PACS1: variants seen among roughly 807,000 people sequenced by gnomAD.
PACS1 encodes phosphofurin acidic cluster sorting protein 1, also known as PACS-1.
A neutral mutation model predicts 115.0 loss-of-function variants in PACS1; 24 were observed. The ratio of observed to expected loss-of-function variants is 0.21; its 90% CI spans 0.15 to 0.29. The LOEUF (loss-of-function observed/expected upper bound fraction) is 0.29. Ranked by LOEUF, PACS1 falls within the 10% of genes least tolerant of loss-of-function variation. PACS1 has a pLI of 1.00. For synonymous variants in PACS1, 453 were observed against 504.5 expected (o/e 0.90, Z 1.37); for missense variants, 838 against 1,251.2 (o/e 0.67, Z 4.98).
intron 2 of PACS1, among the ~76,000 whole-genome samples, chr11:66,202,741 AAATATATATAT>A (rs1425593566): frequency 5.3e-5 from 5 of 93,882 alleles, no homozygotes; most frequent in African/African-American, 2.4e-4. Context: ...AAAAAAAAAA[AAATATATATAT>A]ATATATATAT....
At chr11:66,219,916 TA>T (rs770918495) in intron 8 of PACS1, 111 bp downstream of exon 8, 11 of 854,098 alleles carry the variant, frequency 1.3e-5, no homozygotes, top group Non-Finnish European at 2.2e-5. Context: ...CTAGGATTAA[TA>T]TTCCTGCTCC....
intron 1 of PACS1, chr11:66,083,912 C>T (rs558638633): frequency 1.3e-5 from 2 of 152,214 alleles, no homozygotes; most frequent in African/African-American, 2.4e-5. Flanking sequence ...TGTAACTCTT[C>T]CTGCACATAC....
At chr11:66,087,791 T>TA (rs1857598278) in intron 1 of PACS1, among the ~76,000 whole-genome samples, 1 of 152,220 alleles carries the variant, frequency 6.6e-6, no homozygotes. Flanking sequence ...TTCTCTGCAG[T>TA]ATATACCTGG....
intron 1 of PACS1, among the ~76,000 whole-genome samples, chr11:66,113,705 A>C (rs1328189252): frequency 1.3e-5 from 2 of 152,236 alleles, no homozygotes. Flanking sequence ...ACAGCAGCTG[A>C]ACTGAAAGCT....
At chr11:66,100,166 C>G (rs565962202) in intron 1 of PACS1, among the ~76,000 whole-genome samples, 1 of 152,202 alleles carries the variant, frequency 6.6e-6, no homozygotes, top group Non-Finnish European at 1.5e-5. Context: ...AGGCGTGGGC[C>G]ACCACGCCTG....
intron 1 of PACS1, among the ~76,000 whole-genome samples, chr11:66,125,345 A>G (rs568495635): frequency 7.2e-5 from 11 of 152,336 alleles, no homozygotes; most frequent in African/African-American, 2.6e-4. Flanking sequence ...TCTTATTGCA[A>G]TTAAATTTCT....
In PACS1 at chr11:66,070,881, G is replaced by A; in HGVS notation, c.356+39G>A. The A allele has an allele frequency of 1.4e-6, 2 of 1,403,934 alleles. No individual in the cohort carries two copies. The allele number at this position is 1,403,934 out of a possible 1,614,324, so 87.0% of individuals were successfully genotyped here. On this transcript the variant is annotated intron_variant, in intron 1 of 23. Transcript: ENST00000320580. The surrounding 1 kb of genome is among the most constrained non-coding windows in gnomAD (Gnocchi z 5.9). ...GGTGCGGCGGGGCGCCGGGGGAGCG[G>A]GGTGGCCGCCGGGGCCCAGCCCTCC... is the stretch of plus-strand genomic sequence containing the variant.
At chr11:66,101,125 A>G (rs1857907985) in intron 1 of PACS1, among the ~76,000 whole-genome samples, 1 of 152,192 alleles carries the variant, frequency 6.6e-6, no homozygotes, top group Admixed American at 6.5e-5. Context: ...AAAATATACT[A>G]TTTTCTGGAA....
rs138719181 is a variant in PACS1 at position 66,190,136 on chromosome 11, GCTT to G, written c.357-3347_357-3345del. 1.7e-3 allele frequency among the ~76,000 whole-genome samples: 253 copies of G among 152,248 alleles called. 4 individuals carry two copies. The East Asian group carries it at 0.043, about 26-fold the overall frequency. ...TTTCTCTTTTTTATAAAACATCTAAGCTTCTCTTTGTTCTTTGGACATACTGAA... is the reference window on the plus strand; with the variant it reads ...TTTCTCTTTTTTATAAAACATCTAAGCTCTTTGTTCTTTGGACATACTGAA... On this transcript the variant is annotated intron_variant, in intron 1 of 23. Coordinates refer to ENST00000320580, the MANE Select transcript of PACS1 (RefSeq NM_018026.4).
intron 1 of PACS1, among the ~76,000 whole-genome samples, chr11:66,167,745 T>C (rs7126865): frequency 0.012 from 1,815 of 150,180 alleles, 30 homozygotes; most frequent in Non-Finnish European, 0.019. Context: ...TTGCATTTCA[T>C]AGTTTATTTT....
At position 66,221,213 on chromosome 11, in the gene PACS1, G is replaced by T; in HGVS notation, c.1259G>T (p.Ser420Ile). The T allele has an allele frequency of 1.2e-6, 2 of 1,614,218 alleles. No individual in the cohort carries two copies. Among genetic ancestry groups the T allele is most frequent in the South Asian group, 1.1e-5 (1 of 91,086 alleles). The change falls in exon 10 of 24, where the codon AGC becomes ATC. Residue 420 changes from serine to isoleucine, a missense_variant. Ser to Ile is a moderately radical substitution (Grantham distance 142). Coordinates refer to ENST00000320580, the MANE Select transcript of PACS1 (RefSeq NM_018026.4). ...SSQTEIGSLN[S>I]KGSLGKDTTS... ...CAGACGGAGATTGGCAGCCTCAACA[G>T]CAAAGGCAGCCTCGGAAAAGACACC...
intron 1 of PACS1, among the ~76,000 whole-genome samples, chr11:66,076,153 C>A (rs1210909217): frequency 6.6e-6 from 1 of 152,206 alleles, no homozygotes; most frequent in Admixed American, 6.5e-5. Context: ...CCTGTGGAAG[C>A]TCAGATTACA....
chr11:66,227,050 C>CA (rs1855482218), intron 10 of PACS1, among the ~76,000 whole-genome samples: 1 of 152,114 alleles, frequency 6.6e-6, no homozygotes, highest in Admixed American at 6.5e-5. Flanking sequence ...TCCCACCAAG[C>CA]AAAAAGCATT....
chr11:66,156,210 AT>A (rs1859351925), intron 1 of PACS1, among the ~76,000 whole-genome samples: 1 of 3,024 alleles, frequency 3.3e-4, no homozygotes, highest in Admixed American at 4.7e-3. Flanking sequence ...TAAATTATAT[AT>A]ATATATATAT....
chr11:66,139,672 A>C (rs1362658836), intron 1 of PACS1, among the ~76,000 whole-genome samples: 1 of 152,106 alleles, frequency 6.6e-6, no homozygotes, highest in African/African-American at 2.4e-5. Flanking sequence ...TCATCCATCC[A>C]TCCAAAGGAT....
intron 1 of PACS1, among the ~76,000 whole-genome samples, chr11:66,164,356 T>C (rs1227586010): frequency 6.6e-6 from 1 of 151,872 alleles, no homozygotes; most frequent in Non-Finnish European, 1.5e-5. Context: ...AATGATATGG[T>C]AGGACATAAT....
chr11:66,179,988 A>T (rs1180237212), intron 1 of PACS1, among the ~76,000 whole-genome samples: 3 of 151,970 alleles, frequency 2.0e-5, no homozygotes, highest in African/African-American at 7.3e-5. Context: ...AACAGCTAGG[A>T]TTCACCACCA....
rs150099266 is a variant in PACS1, at chr11:66,086,655, C to T, written c.356+15813C>T. On this transcript the variant is annotated intron_variant, in intron 1 of 23. Coordinates refer to ENST00000320580, the MANE Select transcript of PACS1 (RefSeq NM_018026.4). Reference sequence around the variant, plus strand: ...CCTTGAGACAGGGTCTCATTCTGTCCGCCAGGCTGGAGTGTAGTAGTGTGA... The same window carrying T: ...CCTTGAGACAGGGTCTCATTCTGTCTGCCAGGCTGGAGTGTAGTAGTGTGA... Among the ~76,000 whole-genome samples the T allele has an allele frequency of 5.0e-3, 763 of 152,156 alleles. 4 individuals are homozygous for T. Among genetic ancestry groups the T allele is most frequent in the African/African-American group, 0.017 (719 of 41,520 alleles).
chr11:66,202,742 A>ATATATATATATATAT (rs1554988696), intron 2 of PACS1, among the ~76,000 whole-genome samples: 2 of 71,600 alleles, frequency 2.8e-5, no homozygotes, highest in African/African-American at 7.9e-5. Context: ...AAAAAAAAAA[A>ATATATATATATATAT]ATATATATAT....
Sources: gnomAD v4.1 joint callset for allele counts (sites outside exome capture counted in the v4.1 genomes callset) on GRCh38, gnomAD v4.1.1 for gene constraint, Gnocchi (gnomAD v3.1) non-coding constraint, MANE v1.5 for transcripts, NCBI Gene and HGNC (gene_info 2026-07-23, HGNC 2026-07-21) for gene names.